PIWIL4: variants seen among roughly 807,000 people sequenced by gnomAD.
PIWIL4 encodes the protein piwi-like protein 4.
In PIWIL4, 50 loss-of-function variants were observed where a neutral mutation model predicts 100.9. The observed-to-expected ratio is 0.50, with a 90% CI of 0.39 to 0.63. PIWIL4 has a LOEUF of 0.63. Ranked by LOEUF, PIWIL4 falls within the 20% of genes least tolerant of loss-of-function variation. PIWIL4 has a pLI of 0.00. For synonymous variants in PIWIL4, 342 were observed against 367.5 expected (o/e 0.93, Z 0.79); for missense variants, 887 against 1,043.3 (o/e 0.85, Z 2.06).
chr11:94,602,794 T>C (rs1333804340), intron 12 of PIWIL4, among the ~76,000 whole-genome samples: 1 of 152,204 alleles, frequency 6.6e-6, no homozygotes, highest in Non-Finnish European at 1.5e-5. Flanking sequence ...CAAAGTCTCA[T>C]TTAACACCAT....
rs1374684600 is a variant in PIWIL4 at position 94,595,568 on chromosome 11, C to A, written c.1268+142C>A. The stretch of plus-strand genomic sequence containing the variant: ...AGCTTTTGAATTGTGCTGTCCACAG[C>A]CCTTCATCTGAGATGTCTCAGGACT... On this transcript the variant is annotated intron_variant, in intron 10 of 19. Transcript: ENST00000299001. 3 of 667,272 alleles carry A rather than the reference C, an allele frequency of 4.5e-6. No homozygotes were observed. The African/African-American group carries it at 5.4e-5, about 12-fold the overall frequency. 41.3% of individuals were successfully genotyped at this position (667,272 alleles called of 1,614,324 possible).
chr11:94,589,146 G>A lies in PIWIL4; in HGVS notation c.940G>A (p.Asp314Asn). ...TRYNNRTYSIDDIDWSVKPTH... is the reference protein window; with the variant it reads ...TRYNNRTYSINDIDWSVKPTH... ...ATACAATAACAGAACCTACTCCATT[G>A]ATGACATTGACTGGTCAGTGAAGCC... The change falls in exon 8 of 20, where the codon GAT becomes AAT. Residue 314 changes from aspartate (D) to asparagine (N), a missense_variant. This residue lies in a region of PIWIL4 where 741 missense variants were observed against 930.0 expected (regional missense o/e 0.80). Coordinates refer to ENST00000299001, the MANE Select transcript of PIWIL4 (RefSeq NM_152431.3). 4 of 1,611,944 alleles carry A rather than the reference G, an allele frequency of 2.5e-6. No individual in the cohort carries two copies. Among genetic ancestry groups the A allele is most frequent in the Non-Finnish European group, 3.4e-6 (4 of 1,178,262 alleles).
Position 94,595,317 on chromosome 11 carries a change from G to A in PIWIL4, c.1159G>A (p.Asp387Asn). 6.2e-7 allele frequency: 1 copy of A among 1,613,410 alleles called. No individual in the cohort carries two copies. The highest frequency in any genetic ancestry group is 8.5e-7 in the Non-Finnish European group (1 of 1,179,502). Residue 387 changes from aspartate to asparagine, a missense_variant, in exon 10 of 20, where the codon GAC (aspartate) becomes AAC (asparagine). Asp to Asn is a conservative substitution (Grantham distance 23). Transcript: ENST00000299001. Reference sequence around the variant, plus strand: ...TCATTTGCATTTAATAGGGCTGACTGACCAGGCAACATCTGATTTCCAGCT... The same window carrying A: ...TCATTTGCATTTAATAGGGCTGACTAACCAGGCAACATCTGATTTCCAGCT... ...PELCFLTGLT[D>N]QATSDFQLMK...
chr11:94,590,853 T>C (rs562362417), intron 8 of PIWIL4, among the ~76,000 whole-genome samples: 20 of 152,288 alleles, frequency 1.3e-4, no homozygotes, highest in South Asian at 1.0e-3. Flanking sequence ...CTCCTCACTG[T>C]GATCCCTCAC....
chr11:94,616,419 A>G, intron 15 of PIWIL4, 74 bp from the exon 16 acceptor site: 1 of 1,240,502 alleles, frequency 8.1e-7, no homozygotes, highest in South Asian at 1.4e-5. Flanking sequence ...CTGTTTCTTA[A>G]TTTAATATTA....
At chr11:94,617,836 C>T in intron 16 of PIWIL4, 118 bp from the exon 17 acceptor site, 2 of 1,035,882 alleles carry the variant, frequency 1.9e-6, no homozygotes, top group Non-Finnish European at 2.9e-6. Context: ...TTATGTATTG[C>T]CCTATTTTAC....
chr11:94,588,982 A>G lies in PIWIL4; in HGVS notation c.915-139A>G, dbSNP rs74530436. ...GATAAGAGCTGAGTATTTTTTAAAA[A>G]GTGAATATTCTTGTTTTATTGTTTT... On this transcript the variant is annotated intron_variant, in intron 7 of 19. Coordinates refer to ENST00000299001, the MANE Select transcript of PIWIL4 (RefSeq NM_152431.3). The G allele has an allele frequency of 4.6e-3, 2,792 of 613,268 alleles. 29 individuals are homozygous for G. The highest frequency in any genetic ancestry group is 0.018 in the Middle Eastern group (50 of 2,758). 38.0% of individuals were successfully genotyped at this position (613,268 alleles called of 1,614,324 possible).
intron 2 of PIWIL4, among the ~76,000 whole-genome samples, chr11:94,572,053 T>C (rs906250496): frequency 3.3e-5 from 5 of 152,272 alleles, no homozygotes; most frequent in Non-Finnish European, 7.3e-5. Context: ...GATGAGCATT[T>C]TTTCATGTGC....
rs1323416864 is a variant in PIWIL4 at position 94,577,481 on chromosome 11, C to G, written c.502C>G (p.Leu168Val). The change falls in exon 4 of 20, where the codon CTA (leucine) becomes GTA (valine). Residue 168 changes from leucine (L) to valine (V), a missense_variant. Around this residue, in one of 2 missense-constraint regions of PIWIL4, gnomAD observed 741 missense variants for 930.0 expected, o/e 0.80. Coordinates refer to ENST00000299001, the MANE Select transcript of PIWIL4 (RefSeq NM_152431.3). ...TGCCATCCTTTTTCTGTCACAAAAGCTAGAAGAAAAGGTATAGTATGATTA... is the reference window on the plus strand; with the variant it reads ...TGCCATCCTTTTTCTGTCACAAAAGGTAGAAGAAAAGGTATAGTATGATTA... ...DGAILFLSQK[L>V]EEKVTELSSE... 2 of 1,612,592 alleles carry G rather than the reference C, an allele frequency of 1.2e-6. No individual in the cohort carries two copies. The highest frequency in any genetic ancestry group is 2.2e-5 in the South Asian group (2 of 90,980).
intron 16 of PIWIL4, 121 bp downstream of exon 16, chr11:94,616,684 G>A: frequency 1.4e-6 from 1 of 703,892 alleles, no homozygotes; most frequent in Non-Finnish European, 2.3e-6. Context: ...TTTGTCAACT[G>A]TCACCCAGTT....
At chr11:94,570,802 G>T (rs564572895) in intron 2 of PIWIL4, among the ~76,000 whole-genome samples, 2 of 152,252 alleles carry the variant, frequency 1.3e-5, no homozygotes, top group Admixed American at 1.3e-4. Context: ...TGAGGCAGAA[G>T]AATCGCTTGA....
At position 94,587,107 on chromosome 11, in the gene PIWIL4, G is replaced by A. The variant is rs1438163407; in HGVS notation, c.774G>A (p.Leu258=). ...ISVSYFERKL[L]FSADVSYKVL... Reference sequence around the variant, plus strand: ...TGTCATATTTTGAAAGGAAGCTCCTGTTTAGTGCTGATGTGAGTTACAAAG... The same window carrying A: ...TGTCATATTTTGAAAGGAAGCTCCTATTTAGTGCTGATGTGAGTTACAAAG... The change falls in exon 7 of 20, where the codon CTG becomes CTA. Residue 258 remains leucine, a synonymous_variant. Transcript: ENST00000299001. The A allele has an allele frequency of 1.2e-6, 2 of 1,614,006 alleles. No homozygotes were observed. The highest frequency in any genetic ancestry group is 8.5e-7 in the Non-Finnish European group (1 of 1,179,934).
At chr11:94,595,027 TCAA>T (rs1948538396) in intron 9 of PIWIL4, among the ~76,000 whole-genome samples, 1 of 152,222 alleles carries the variant, frequency 6.6e-6, no homozygotes, top group Non-Finnish European at 1.5e-5. Context: ...GGAAACTACC[TCAA>T]CAATAAATGT....
At chr11:94,578,469 T>G (rs533031030) in intron 4 of PIWIL4, among the ~76,000 whole-genome samples, 2 of 152,204 alleles carry the variant, frequency 1.3e-5, no homozygotes, top group Admixed American at 6.5e-5. Flanking sequence ...AAGATGAATT[T>G]TTTTTCCTTG....
chr11:94,607,749 T>C, intron 14 of PIWIL4, 110 bp downstream of exon 14: 1 of 1,180,116 alleles, frequency 8.5e-7, no homozygotes, highest in Non-Finnish European at 1.2e-6. Flanking sequence ...GCTTGTTTCT[T>C]GAGCCTTTGC....
rs1371733060 is a variant in PIWIL4, at chr11:94,621,265, A to G, written c.*273A>G. ...TACAAAGAATTCCACAGAGTTAAATATCTTAAGTTAAACACTTAAAATAAG... is the reference window on the plus strand; with the variant it reads ...TACAAAGAATTCCACAGAGTTAAATGTCTTAAGTTAAACACTTAAAATAAG... On this transcript the variant is annotated 3_prime_UTR_variant, in exon 20 of 20. Coordinates refer to ENST00000299001, the MANE Select transcript of PIWIL4 (RefSeq NM_152431.3). 3.4e-5 allele frequency: 12 copies of G among 350,274 alleles called. No homozygotes were observed. The highest frequency in any genetic ancestry group is 5.2e-5 in the Non-Finnish European group (10 of 191,980). 21.7% of individuals were successfully genotyped at this position (350,274 alleles called of 1,614,324 possible).
chr11:94,599,452 C>G (rs1351975420), intron 11 of PIWIL4, among the ~76,000 whole-genome samples: 1 of 152,188 alleles, frequency 6.6e-6, no homozygotes, highest in African/African-American at 2.4e-5. Flanking sequence ...GTTCATAGGA[C>G]TCAGGGTACA....
rs1447107600 is a variant in PIWIL4 at position 94,587,181 on chromosome 11, G to T, written c.848G>T (p.Arg283Ile). 5 of 1,614,088 alleles carry T rather than the reference G, an allele frequency of 3.1e-6. No individual in the cohort carries two copies. In the South Asian group the frequency reaches 5.5e-5, roughly 18 times the overall value. The change falls in exon 7 of 20, where the codon AGA becomes ATA. Residue 283 changes from arginine (R) to isoleucine (I), a missense_variant. By Grantham distance (97) the Arg-to-Ile change is moderately conservative. This residue lies in a region of PIWIL4 where 741 missense variants were observed against 930.0 expected (regional missense o/e 0.80). Coordinates refer to ENST00000299001, the MANE Select transcript of PIWIL4 (RefSeq NM_152431.3). ...GAATTCATGACTGCTCTCTGTCAAA[G>T]AACTGGCTTGTCCTGTTTCACCCAG... ...VLEFMTALCQ[R>I]TGLSCFTQTC...
At chr11:94,589,007 T>G in intron 7 of PIWIL4, 114 bp from the exon 8 acceptor site, 2 of 679,770 alleles carry the variant, frequency 2.9e-6, no homozygotes, top group Non-Finnish European at 4.9e-6. Flanking sequence ...TTTATTGTTT[T>G]CATAATTTCT....
Sources: allele counts gnomAD v4.1 joint callset (sites outside exome capture counted in the v4.1 genomes callset), GRCh38; gene constraint gnomAD v4.1.1; regional missense constraint gnomAD v4.1.1; transcripts MANE v1.5; gene names NCBI Gene and HGNC (gene_info 2026-07-23, HGNC 2026-07-21).